Variants in TPST2 observed in about 807,000 individuals in gnomAD.
The protein encoded by TPST2 is protein-tyrosine sulfotransferase 2.
In TPST2, 16 loss-of-function variants were observed where a neutral mutation model predicts 27.8. That is an observed-to-expected ratio of 0.58 (90% CI 0.39 to 0.88). The LOEUF is 0.88. Among genes scored for constraint, TPST2 ranks in the 40% least tolerant of loss-of-function variants. The pLI is 0.00. For missense variants in TPST2, 464 were observed against 543.1 expected (o/e 0.85, Z 1.45); for synonymous variants, 229 against 231.7 (o/e 0.99, Z 0.10).
chr22:26,572,961 T>G (rs1020341866), intron 1 of TPST2, among the ~76,000 whole-genome samples: 2 of 152,188 alleles, frequency 1.3e-5, no homozygotes, highest in Non-Finnish European at 2.9e-5. Context: ...TCCCCACCTA[T>G]TAGTTTTGTG....
intron 1 of TPST2, among the ~76,000 whole-genome samples, chr22:26,565,963 T>C (rs1441892085): frequency 6.6e-6 from 1 of 152,174 alleles, no homozygotes; most frequent in South Asian, 2.1e-4. Flanking sequence ...ACCCAAACTG[T>C]TGTACACACA....
intron 1 of TPST2, among the ~76,000 whole-genome samples, chr22:26,568,300 A>G (rs1043491742): frequency 2.0e-5 from 3 of 152,234 alleles, no homozygotes; most frequent in Non-Finnish European, 2.9e-5. Context: ...AAGAAAGACC[A>G]TAACGCGTGG....
rs1203031493 is a variant in TPST2, at chr22:26,536,046, T to C, written c.1041+242A>G. 4.4e-6 allele frequency: 3 copies of C among 676,508 alleles called. No homozygotes were observed. The Admixed American group carries it at 6.2e-5, about 14-fold the overall frequency. 41.9% of individuals were successfully genotyped at this position (676,508 alleles called of 1,614,324 possible). ...AATAAGATGAAATTAGTGTACAAGC[T>C]GGCCTGCTGTTAGATGTTAGAGTAT... On this transcript the variant is annotated intron_variant, in intron 4 of 6. Coordinates refer to ENST00000338754, the MANE Select transcript of TPST2 (RefSeq NM_003595.5).
chr22:26,531,787 G>A (rs544348601), intron 5 of TPST2, among the ~76,000 whole-genome samples: 34 of 152,162 alleles, frequency 2.2e-4, no homozygotes, highest in South Asian at 1.2e-3. Context: ...AATGGGGTGC[G>A]CAGGCTATCC....
chr22:26,538,111 C>T (rs1487756751), intron 3 of TPST2, among the ~76,000 whole-genome samples: 3 of 152,162 alleles, frequency 2.0e-5, no homozygotes, highest in African/African-American at 7.2e-5. Flanking sequence ...GGTGGGGAAC[C>T]CCCAGGATCA....
intron 1 of TPST2, 40 bp from the exon 2 acceptor site, chr22:26,544,715 T>C (rs1926028162): frequency 1.0e-6 from 1 of 977,262 alleles, no homozygotes; most frequent in Non-Finnish European, 1.2e-6. Flanking sequence ...GGATGGGCAC[T>C]GTGGAGAGGG....
Position 26,541,828 on chromosome 22 carries a change from A to AG in TPST2, c.-88-111dup, listed in dbSNP as rs1445728632. Reference sequence around the variant, plus strand: ...CAAGAGGCTGCTGACATGAATGCAGAGGGCACCTTTCATAAGCACTAGCTG... The same window carrying AG: ...CAAGAGGCTGCTGACATGAATGCAGAGGGGCACCTTTCATAAGCACTAGCTG... On this transcript the variant is annotated intron_variant, in intron 2 of 6. Coordinates refer to ENST00000338754, the MANE Select transcript of TPST2 (RefSeq NM_003595.5). This position sits in a 1 kb window ranked among gnomAD's most constrained non-coding sequence, Gnocchi z 5.9. 9.3e-6 allele frequency: 10 copies of AG among 1,080,134 alleles called. No individual in the cohort carries two copies. In the East Asian group the frequency reaches 2.3e-4, roughly 25 times the overall value. The allele number at this position is 1,080,134 out of a possible 1,614,324, so 66.9% of individuals were successfully genotyped here.
At position 26,541,657 on chromosome 22, in the gene TPST2, G is replaced by A. The variant is rs983955428; in HGVS notation, c.-27C>T. The A allele has an allele frequency of 1.6e-5, 24 of 1,531,450 alleles. No homozygotes were observed. The highest frequency in any genetic ancestry group is 2.7e-5 in the African/African-American group (2 of 72,946). 94.9% of individuals were successfully genotyped at this position (1,531,450 alleles called of 1,614,324 possible). A position where few individuals can be genotyped will look rare whatever the true frequency, so the allele number is the denominator to read the frequency against. ...CTGGGCCGGAGGCAGGGTAGGCCTG[G>A]CCTGAGGGCCCGCTTCTGGGGCTTC... is the stretch of plus-strand genomic sequence containing the variant. On this transcript the variant is annotated 5_prime_UTR_variant, in exon 3 of 7. Transcript: ENST00000338754. The surrounding 1 kb of genome is among the most constrained non-coding windows in gnomAD (Gnocchi z 5.9).
intron 1 of TPST2, among the ~76,000 whole-genome samples, chr22:26,588,864 C>T (rs1001575871): frequency 2.6e-5 from 4 of 152,110 alleles, no homozygotes; most frequent in African/African-American, 9.7e-5. Flanking sequence ...CACATGGAGG[C>T]TAGGGAGAGG....
At chr22:26,553,422 A>C (rs1926601003) in intron 1 of TPST2, among the ~76,000 whole-genome samples, 2 of 149,066 alleles carry the variant, frequency 1.3e-5, no homozygotes, top group South Asian at 2.1e-4. Flanking sequence ...CAAAGGCTGG[A>C]GTGCAGTGGA....
intron 1 of TPST2, among the ~76,000 whole-genome samples, chr22:26,552,643 A>C (rs1024931960): frequency 6.6e-6 from 1 of 152,228 alleles, no homozygotes; most frequent in Non-Finnish European, 1.5e-5. Context: ...TAATGCAAAC[A>C]ACCAAGATGA....
chr22:26,546,777 G>C (rs964976908), intron 1 of TPST2, among the ~76,000 whole-genome samples: 34 of 152,236 alleles, frequency 2.2e-4, no homozygotes. Flanking sequence ...GCACATTTAG[G>C]ATGGGGTAGG....
chr22:26,589,564 C>A (rs904559970), intron 1 of TPST2, among the ~76,000 whole-genome samples: 27 of 152,234 alleles, frequency 1.8e-4, no homozygotes, highest in Non-Finnish European at 2.6e-4. Context: ...GCCCACCTCC[C>A]CAGCCGACGA....
intron 1 of TPST2, among the ~76,000 whole-genome samples, chr22:26,583,003 C>T (rs1928176295): frequency 6.6e-6 from 1 of 151,344 alleles, no homozygotes; most frequent in South Asian, 2.1e-4. Flanking sequence ...TCCCAGCACT[C>T]TGGGAGGCTG....
intron 1 of TPST2, among the ~76,000 whole-genome samples, chr22:26,565,914 A>G (rs1441680341): frequency 2.0e-5 from 3 of 152,080 alleles, no homozygotes; most frequent in Non-Finnish European, 4.4e-5. Context: ...CTGTACAGAG[A>G]TTTCATAAAA....
At position 26,540,981 on chromosome 22, in the gene TPST2, G is replaced by T; in HGVS notation, c.650C>A (p.Ala217Asp). Residue 217 changes from alanine to aspartate, a missense_variant, in exon 3 of 7, where the codon GCC (alanine) becomes GAC (aspartate). Coordinates refer to ENST00000338754, the MANE Select transcript of TPST2 (RefSeq NM_003595.5). ...GCACTGGGCGTACATCACCTCGATG[G>T]CCTTGTTCCACTTGGTGAGGCAGTC... ...YRDCLTKWNK[A>D]IEVMYAQCME... is the part of the protein sequence containing the mutation. 5 of 1,614,168 alleles carry T rather than the reference G, an allele frequency of 3.1e-6. No homozygotes were observed. Among genetic ancestry groups the T allele is most frequent in the Non-Finnish European group, 4.2e-6 (5 of 1,180,028 alleles).
At chr22:26,540,561 G>A (rs540563344) in intron 3 of TPST2, among the ~76,000 whole-genome samples, 8 of 152,292 alleles carry the variant, frequency 5.3e-5, no homozygotes, top group East Asian at 1.9e-4. Flanking sequence ...GCAACAGACC[G>A]AGACACTGCC....
chr22:26,580,145 G>A (rs544583000), intron 1 of TPST2, among the ~76,000 whole-genome samples: 1 of 152,280 alleles, frequency 6.6e-6, no homozygotes, highest in African/African-American at 2.4e-5. Context: ...TCGAGAGGCT[G>A]AGGCAGGAGA....
chr22:26,542,810 G>C (rs1925936304), intron 2 of TPST2, among the ~76,000 whole-genome samples: 1 of 152,220 alleles, frequency 6.6e-6, no homozygotes, highest in Non-Finnish European at 1.5e-5. Context: ...GTGAACGGAG[G>C]GTTTGGTGGA....
Sources: gnomAD v4.1 joint callset for allele counts (sites outside exome capture counted in the v4.1 genomes callset) on GRCh38, gnomAD v4.1.1 for gene constraint, Gnocchi (gnomAD v3.1) non-coding constraint, MANE v1.5 for transcripts, NCBI Gene and HGNC (gene_info 2026-07-23, HGNC 2026-07-21) for gene names.